The following DNAJC16 variants were observed in gnomAD, a reference collection of about 807,000 sequenced individuals.
DNAJC16 encodes DnaJ heat shock protein family (Hsp40) member C16, also known as dnaJ homolog subfamily C member 16.
Under a neutral mutation model 92.7 loss-of-function variants are expected in DNAJC16, and 76 were observed. That is an observed-to-expected ratio of 0.82 (90% confidence interval 0.68 to 0.99). DNAJC16 has a LOEUF of 0.99. Among genes scored for constraint, DNAJC16 ranks in the 50% least tolerant of loss-of-function variants. DNAJC16 has a pLI of 0.00. For synonymous variants in DNAJC16, 328 were observed against 358.7 expected (o/e 0.91, Z 0.97); for missense variants, 869 against 942.4 (o/e 0.92, Z 1.02).
At chr1:15,566,486 C>T in intron 13 of DNAJC16, 1 of 327,040 alleles carries the variant, frequency 3.1e-6, no homozygotes, top group Non-Finnish European at 5.7e-6. Context: ...GTCTTGTGCG[C>T]ACACACACCC....
At position 15,564,102 on chromosome 1, in the gene DNAJC16, A is replaced by T; in HGVS notation, c.1512A>T (p.Glu504Asp). 6.2e-7 allele frequency: 1 copy of T among 1,614,016 alleles called. No homozygotes were observed. Among genetic ancestry groups the T allele is most frequent in the South Asian group, 1.1e-5 (1 of 91,078 alleles). Reference protein sequence around the residue: ...SEAVLPDLTDELAPVFLLRWF... With the variant: ...SEAVLPDLTDDLAPVFLLRWF... ...CAGTGCTTCCTGACCTGACCGATGA[A>T]CTTGCCCCTGTGAGCATCGGGGCTG... Residue 504 changes from glutamate (E) to aspartate (D), a missense_variant, in exon 10 of 15, where the codon GAA becomes GAT. By Grantham distance (45) the Glu-to-Asp change is conservative (BLOSUM62 2). Transcript: ENST00000375847.
At chr1:15,535,931 AT>A (rs112722089) in intron 3 of DNAJC16, among the ~76,000 whole-genome samples, 1,749 of 141,400 alleles carry the variant, frequency 0.012, 39 homozygotes, top group African/African-American at 0.041. Flanking sequence ...TGCCTGGCCG[AT>A]TTTTTTTTTT....
At chr1:15,557,246 C>T (rs953383856) in intron 7 of DNAJC16, among the ~76,000 whole-genome samples, 2 of 152,118 alleles carry the variant, frequency 1.3e-5, no homozygotes, top group Non-Finnish European at 2.9e-5. Context: ...TCTGTAATGC[C>T]ATTTGGGCCT....
chr1:15,549,745 C>T (rs1386832401), intron 7 of DNAJC16, among the ~76,000 whole-genome samples: 4 of 141,278 alleles, frequency 2.8e-5, no homozygotes, highest in Non-Finnish European at 6.0e-5. Context: ...ACCCAGGAGG[C>T]GGAGCTTGCA....
chr1:15,567,041 A>C (rs1302166008), intron 13 of DNAJC16, 58 bp from the exon 14 acceptor site: 2 of 1,519,074 alleles, frequency 1.3e-6, no homozygotes, highest in African/African-American at 2.8e-5. Flanking sequence ...TTTCTTTTCA[A>C]AGTAACGGCT....
intron 3 of DNAJC16, among the ~76,000 whole-genome samples, chr1:15,534,576 T>C (rs570801899): frequency 3.9e-5 from 6 of 151,966 alleles, no homozygotes; most frequent in African/African-American, 1.4e-4. Context: ...ACAAAAAAAA[T>C]TCGCCGGGCG....
intron 7 of DNAJC16, among the ~76,000 whole-genome samples, chr1:15,551,254 A>T (rs1638436837): frequency 6.6e-6 from 1 of 152,176 alleles, no homozygotes; most frequent in Admixed American, 6.5e-5. Context: ...TGATGGATTT[A>T]ATATTCTGTG....
rs750707165 is a variant in DNAJC16 at position 15,567,112 on chromosome 1, A to G, written c.1792A>G (p.Lys598Glu). 14 of 1,607,392 alleles carry G rather than the reference A, an allele frequency of 8.7e-6. No individual in the cohort carries two copies. In the Middle Eastern group the frequency reaches 6.6e-4, roughly 76 times the overall value. Residue 598 changes from lysine (K) to glutamate (E), a missense_variant, in exon 14 of 15, where the codon AAA becomes GAA. Coordinates refer to ENST00000375847, the MANE Select transcript of DNAJC16 (RefSeq NM_015291.4). ...TKENSSKIPK[K>E]GFVEVTELTD... ...ATTTCTCCACAGCAAGATTCCTAAA[A>G]AAGGCTTTGTGGAGGTAACTGAACT...
chr1:15,541,710 T>G (rs1249640990), intron 4 of DNAJC16, among the ~76,000 whole-genome samples: 1 of 152,206 alleles, frequency 6.6e-6, no homozygotes, highest in Non-Finnish European at 1.5e-5. Context: ...CACAAAGATG[T>G]ATGTACAAAG....
intron 11 of DNAJC16, 146 bp downstream of exon 11, chr1:15,564,505 TTTTC>T (rs746125797): frequency 2.5e-4 from 155 of 611,120 alleles, no homozygotes; most frequent in Non-Finnish European, 4.0e-4. Context: ...CTATTCCCCT[TTTTC>T]TTTCTTTCAG....
chr1:15,530,193 G>A (rs901137383), intron 2 of DNAJC16, among the ~76,000 whole-genome samples: 3 of 151,332 alleles, frequency 2.0e-5, no homozygotes, highest in East Asian at 1.9e-4. Flanking sequence ...GAGGTGGGAG[G>A]ATCGTTTGAG....
At chr1:15,560,172 G>C (rs2103424312) in intron 8 of DNAJC16, 1 of 152,174 alleles carries the variant, frequency 6.6e-6, no homozygotes, top group South Asian at 2.1e-4. Flanking sequence ...GTGCCAGCCT[G>C]TCCTAGTGGT....
At chr1:15,558,614 G>A (rs111604147) in intron 7 of DNAJC16, among the ~76,000 whole-genome samples, 1,746 of 152,274 alleles carry the variant, frequency 0.011, 39 homozygotes, top group African/African-American at 0.039. Context: ...TTAGAGGAAT[G>A]AGCCTCCATA....
intron 11 of DNAJC16, 21 bp from the exon 12 acceptor site, chr1:15,565,898 A>G (rs998856297): frequency 6.2e-7 from 1 of 1,606,606 alleles, no homozygotes; most frequent in Non-Finnish European, 8.5e-7. Context: ...TTGAGCTAAT[A>G]GTTTGTTAAT....
rs573157080 is a variant in DNAJC16, at chr1:15,569,952, G to A, written c.*1775G>A. The A allele has an allele frequency of 6.6e-6, 1 of 152,632 alleles. No homozygotes were observed. The highest frequency in any genetic ancestry group is 1.5e-5 in the Non-Finnish European group (1 of 68,030). The allele number at this position is 152,632 out of a possible 1,614,324, so 9.5% of individuals were successfully genotyped here. On this transcript the variant is annotated 3_prime_UTR_variant, in exon 15 of 15. Transcript: ENST00000375847. ...GGCGTGAGCCACCACTCCCGGCTAA[G>A]TTAGTATTTCTTTAATCTTAATGCT...
Position 15,548,433 on chromosome 1 carries a change from G to T in DNAJC16, c.1023+5G>T, listed in dbSNP as rs767304874. 1.9e-6 allele frequency: 3 copies of T among 1,604,818 alleles called. No homozygotes were observed. On this transcript the variant is annotated splice_donor_5th_base_variant and intron_variant, in intron 7 of 14. Transcript: ENST00000375847. Reference sequence around the variant, plus strand: ...AGGCCTGCCGATGTTATCCAGGTACGTGAGGGTCACCTTGGTTAAGATTTT... The same window carrying T: ...AGGCCTGCCGATGTTATCCAGGTACTTGAGGGTCACCTTGGTTAAGATTTT...
intron 9 of DNAJC16, 126 bp downstream of exon 9, chr1:15,562,451 C>A: frequency 9.8e-7 from 1 of 1,016,180 alleles, no homozygotes; most frequent in Non-Finnish European, 1.4e-6. Context: ...AGCCTATTTT[C>A]AAAGTCTACT....
intron 9 of DNAJC16, 46 bp from the exon 10 acceptor site, chr1:15,563,883 C>T (rs1638749126): frequency 6.6e-7 from 1 of 1,516,022 alleles, no homozygotes; most frequent in Non-Finnish European, 9.0e-7. Flanking sequence ...TGTAACTTAA[C>T]CATGCTTTTG....
intron 2 of DNAJC16, among the ~76,000 whole-genome samples, chr1:15,530,807 C>T (rs12564508): frequency 0.59 from 89,173 of 151,978 alleles, 26,818 homozygotes; most frequent in African/African-American, 0.71. Context: ...CCTGACTCAG[C>T]CTCCCAAGTA....
Sources: gnomAD v4.1 joint callset for allele counts (sites outside exome capture counted in the v4.1 genomes callset) on GRCh38, gnomAD v4.1.1 for gene constraint, MANE v1.5 for transcripts, NCBI Gene and HGNC (gene_info 2026-07-23, HGNC 2026-07-21) for gene names.